Variants in ZEB1 observed in about 807,000 individuals in gnomAD.
ZEB1 encodes zinc finger E-box binding homeobox 1, also known as zinc finger E-box-binding homeobox 1.
A neutral mutation model predicts 84.9 loss-of-function variants in ZEB1; 21 were observed. The ratio of observed to expected loss-of-function variants is 0.25; its 90% confidence interval spans 0.18 to 0.36. The LOEUF (loss-of-function observed/expected upper bound fraction) is 0.36, where lower values mean the gene tolerates loss of function less well. Among genes scored for constraint, ZEB1 ranks in the 10% least tolerant of loss-of-function variants. The probability of loss-of-function intolerance (pLI) is 1.00; values close to 1 mark genes in which losing one functional copy is unlikely to be tolerated. For missense variants in ZEB1, 1,104 were observed against 1,330.2 expected (o/e 0.83, Z 2.65); for synonymous variants, 420 against 471.1 (o/e 0.89, Z 1.41).
chr10:31,526,920 G>A lies in ZEB1; in HGVS notation c.3034G>A (p.Val1012Met), dbSNP rs148446855. 107 of 1,614,138 alleles carry A rather than the reference G, an allele frequency of 6.6e-5. No homozygotes were observed. In the African/African-American group the frequency reaches 9.7e-4, roughly 15 times the overall value. ...AGPEILSNEH[V>M]GARASPSQGD... ...GCCTGAAATCCTCTCGAATGAGCAC[G>A]TGGGTGCCAGGGCGTCTCCCTCACA... The change falls in exon 9 of 9, where the codon GTG becomes ATG. Residue 1012 changes from valine to methionine, a missense_variant. Transcript: ENST00000424869.
At chr10:31,390,486 T>A (rs2049431432) in intron 1 of ZEB1, among the ~76,000 whole-genome samples, 1 of 152,198 alleles carries the variant, frequency 6.6e-6, no homozygotes, top group African/African-American at 2.4e-5. Flanking sequence ...TACATTAAGA[T>A]ATAAGGTTTA....
intron 2 of ZEB1, among the ~76,000 whole-genome samples, chr10:31,462,389 C>T (rs1408484767): frequency 6.6e-6 from 1 of 152,076 alleles, no homozygotes; most frequent in African/African-American, 2.4e-5. Flanking sequence ...GTTTATATGG[C>T]TTAATGGAGA....
At chr10:31,484,368 A>T (rs1056794109) in intron 2 of ZEB1, among the ~76,000 whole-genome samples, 6 of 152,034 alleles carry the variant, frequency 3.9e-5, no homozygotes, top group Non-Finnish European at 8.8e-5. Flanking sequence ...TCATAACTAT[A>T]CTGAGCAGTT....
chr10:31,498,243 C>T (rs2067566417), intron 3 of ZEB1, among the ~76,000 whole-genome samples: 1 of 152,034 alleles, frequency 6.6e-6, no homozygotes, highest in Admixed American at 6.6e-5. Context: ...ATTCTGGTCT[C>T]AGTTTGAAAT....
intron 2 of ZEB1, among the ~76,000 whole-genome samples, chr10:31,464,026 A>C (rs1451440677): frequency 6.6e-6 from 1 of 152,248 alleles, no homozygotes; most frequent in Non-Finnish European, 1.5e-5. Flanking sequence ...CTATGATATG[A>C]TAAAATAAAA....
chr10:31,434,076 A>G (rs940227642), intron 1 of ZEB1, among the ~76,000 whole-genome samples: 2 of 152,268 alleles, frequency 1.3e-5, no homozygotes, highest in African/African-American at 4.8e-5. Flanking sequence ...GAAAGCAATT[A>G]GCATGTTAAA....
At chr10:31,372,883 C>G (rs2045961989) in intron 1 of ZEB1, 1 of 503,998 alleles carries the variant, frequency 2.0e-6, no homozygotes, top group Non-Finnish European at 2.6e-6. Context: ...TTTATTATAG[C>G]ATGTCTTCTC....
chr10:31,517,905 G>A (rs183711815), intron 6 of ZEB1, among the ~76,000 whole-genome samples: 1 of 152,186 alleles, frequency 6.6e-6, no homozygotes, highest in African/African-American at 2.4e-5. Context: ...AGAAAATTGA[G>A]GCTCAGAGGG....
intron 1 of ZEB1, among the ~76,000 whole-genome samples, chr10:31,440,967 A>C (rs910814705): frequency 6.6e-6 from 1 of 152,174 alleles, no homozygotes; most frequent in Non-Finnish European, 1.5e-5. Flanking sequence ...ATATCGTGAA[A>C]ATGGCCATAC....
intron 1 of ZEB1, chr10:31,363,011 C>T (rs1247773313): frequency 2.0e-6 from 3 of 1,533,948 alleles, no homozygotes; most frequent in South Asian, 1.2e-5. Context: ...GGCCGCTCGT[C>T]TCTATCACAC....
chr10:31,478,402 T>TGGGAATGCAAATTAGTACAACC (rs1318198173), intron 2 of ZEB1, among the ~76,000 whole-genome samples: 1 of 152,034 alleles, frequency 6.6e-6, no homozygotes, highest in African/African-American at 2.4e-5. Flanking sequence ...ACACTGTTGG[T>TGGGAATGCAAATTAGTACAACC]GGGAATGCAA....
At chr10:31,378,695 TTAAG>T (rs1431245782) in intron 1 of ZEB1, among the ~76,000 whole-genome samples, 2 of 151,906 alleles carry the variant, frequency 1.3e-5, no homozygotes, top group Non-Finnish European at 2.9e-5. Flanking sequence ...TTATATATCA[TTAAG>T]TAATCATTAA....
chr10:31,392,666 T>G (rs2049964320), intron 1 of ZEB1, among the ~76,000 whole-genome samples: 2 of 152,016 alleles, frequency 1.3e-5, no homozygotes, highest in Non-Finnish European at 1.5e-5. Context: ...TCTAGTGCAT[T>G]TATACCATAA....
rs376728585 is a variant in ZEB1, at chr10:31,332,385, A to G, written c.58+13093A>G. Among the ~76,000 whole-genome samples, 20 of 152,290 alleles carry G rather than the reference A, an allele frequency of 1.3e-4. No homozygotes were observed. In the East Asian group the frequency reaches 3.3e-3, roughly 25 times the overall value. On this transcript the variant is annotated intron_variant, in intron 1 of 8. Transcript: ENST00000424869. ...TTGTGGATTTACAAACCTATGGAAT[A>G]AAATGTTTTTACTTCTATCAATTAT...
chr10:31,422,798 A>C (rs2056380856), intron 1 of ZEB1, among the ~76,000 whole-genome samples: 1 of 152,026 alleles, frequency 6.6e-6, no homozygotes, highest in African/African-American at 2.4e-5. Flanking sequence ...CCCAATAGGT[A>C]CCTTTCCAGC....
chr10:31,524,901 AAGATCCTGTAATTCTG>A (rs1179870583), intron 8 of ZEB1, among the ~76,000 whole-genome samples: 8 of 152,308 alleles, frequency 5.3e-5, no homozygotes, highest in African/African-American at 1.7e-4. Context: ...AGAAGATTCT[AAGATCCTGTAATTCTG>A]AGATCCTGTA....
At chr10:31,485,199 AT>A (rs1424521554) in intron 2 of ZEB1, among the ~76,000 whole-genome samples, 2 of 151,968 alleles carry the variant, frequency 1.3e-5, no homozygotes, top group African/African-American at 4.8e-5. Flanking sequence ...AATAAAGATA[AT>A]TTTAAGAGTC....
intron 1 of ZEB1, among the ~76,000 whole-genome samples, chr10:31,330,949 G>A (rs770668550): frequency 1.3e-5 from 2 of 151,464 alleles, no homozygotes; most frequent in Admixed American, 6.6e-5. Flanking sequence ...TTTTAGCTCT[G>A]TGTCTGTCTT....
At chr10:31,485,186 T>A (rs1591763991) in intron 2 of ZEB1, among the ~76,000 whole-genome samples, 1 of 151,962 alleles carries the variant, frequency 6.6e-6, no homozygotes, top group East Asian at 1.9e-4. Context: ...AAATTCTACA[T>A]GTAATAAAGA....
Sources: gnomAD v4.1 joint callset for allele counts (sites outside exome capture counted in the v4.1 genomes callset) on GRCh38, gnomAD v4.1.1 for gene constraint, MANE v1.5 for transcripts, NCBI Gene and HGNC (gene_info 2026-07-23, HGNC 2026-07-21) for gene names.